RNF13: variants seen among roughly 807,000 people sequenced by gnomAD.
RNF13 encodes ring finger protein 13.
RNF13 carries 19 observed loss-of-function variants against 37.7 expected under a neutral mutation model. That is an observed-to-expected ratio of 0.50 (90% confidence interval 0.35 to 0.74). The LOEUF (loss-of-function observed/expected upper bound fraction) is 0.74, where lower values mean the gene tolerates loss of function less well. Ranked by LOEUF, RNF13 falls within the 30% of genes least tolerant of loss-of-function variation. The pLI, the probability that RNF13 is intolerant of heterozygous loss-of-function variation, is 0.01. For synonymous variants in RNF13, 144 were observed against 157.8 expected (o/e 0.91, Z 0.65); for missense variants, 375 against 453.0 (o/e 0.83, Z 1.56).
intron 5 of RNF13, among the ~76,000 whole-genome samples, chr3:149,899,245 A>G (rs774555237): frequency 2.0e-5 from 3 of 152,208 alleles, no homozygotes; most frequent in Non-Finnish European, 4.4e-5. Flanking sequence ...TAGGAGTTCA[A>G]GACCAACCTT....
At chr3:149,905,015 T>G (rs1288416082) in intron 6 of RNF13, among the ~76,000 whole-genome samples, 1 of 152,198 alleles carries the variant, frequency 6.6e-6, no homozygotes, top group Non-Finnish European at 1.5e-5. Context: ...GATCAGCATT[T>G]GAATCGGTTA....
chr3:149,827,515 AAATATT>A (rs1323507963), intron 1 of RNF13, among the ~76,000 whole-genome samples: 3 of 152,146 alleles, frequency 2.0e-5, no homozygotes, highest in African/African-American at 7.2e-5. Context: ...TTCAGTCTAT[AAATATT>A]AATATTAAAC....
chr3:149,866,077 A>G (rs1724790996), intron 3 of RNF13, among the ~76,000 whole-genome samples: 2 of 151,744 alleles, frequency 1.3e-5, no homozygotes, highest in Non-Finnish European at 2.9e-5. Context: ...TAATTTCCTG[A>G]TGTCATGACA....
At chr3:149,916,842 G>A (rs150673218) in intron 7 of RNF13, among the ~76,000 whole-genome samples, 2 of 152,218 alleles carry the variant, frequency 1.3e-5, no homozygotes, top group African/African-American at 4.8e-5. Context: ...ACAGCGGGTT[G>A]TATGGCTTTT....
At chr3:149,911,073 A>G (rs1716952092) in intron 6 of RNF13, among the ~76,000 whole-genome samples, 1 of 152,194 alleles carries the variant, frequency 6.6e-6, no homozygotes, top group African/African-American at 2.4e-5. Context: ...GGTGGGGGAT[A>G]TACAGGAAGC....
chr3:149,896,483 ATT>A (rs1329855973), intron 5 of RNF13, among the ~76,000 whole-genome samples: 5 of 143,102 alleles, frequency 3.5e-5, no homozygotes, highest in Admixed American at 7.0e-5. Context: ...CTTCTTCTTT[ATT>A]TTTTTTTTTT....
At chr3:149,815,151 T>A (rs988528541) in intron 1 of RNF13, among the ~76,000 whole-genome samples, 60 of 152,330 alleles carry the variant, frequency 3.9e-4, no homozygotes, top group Non-Finnish European at 5.6e-4. Context: ...CCTTGATATT[T>A]TTCTGCATTC....
At chr3:149,825,821 G>A (rs954635278) in intron 1 of RNF13, among the ~76,000 whole-genome samples, 1 of 152,106 alleles carries the variant, frequency 6.6e-6, no homozygotes, top group Non-Finnish European at 1.5e-5. Context: ...ACATAAAAGT[G>A]TATACTTTGA....
At chr3:149,855,645 C>T (rs1204417052) in intron 3 of RNF13, among the ~76,000 whole-genome samples, 11 of 148,836 alleles carry the variant, frequency 7.4e-5, no homozygotes, top group Non-Finnish European at 1.5e-4. Flanking sequence ...TATTTTTTTT[C>T]CCCCAAAGTT....
chr3:149,892,169 A>C (rs1377218927), intron 4 of RNF13, among the ~76,000 whole-genome samples: 1 of 152,162 alleles, frequency 6.6e-6, no homozygotes, highest in African/African-American at 2.4e-5. Flanking sequence ...TGGTTTCCTA[A>C]GGTTTCTATT....
At chr3:149,895,442 AT>A in intron 4 of RNF13, 30 bp from the exon 5 acceptor site, 1 of 1,139,810 alleles carries the variant, frequency 8.8e-7, no homozygotes, top group South Asian at 1.4e-5. Flanking sequence ...TCCTTATAAC[AT>A]AATTTTTTTT....
chr3:149,832,808 C>T (rs1673647990), intron 1 of RNF13, among the ~76,000 whole-genome samples: 1 of 152,084 alleles, frequency 6.6e-6, no homozygotes, highest in African/African-American at 2.4e-5. Flanking sequence ...CCTGGAAAGA[C>T]ACAACCTCCC....
At chr3:149,949,311 T>C (rs956937586) in intron 8 of RNF13, among the ~76,000 whole-genome samples, 1 of 152,124 alleles carries the variant, frequency 6.6e-6, no homozygotes, top group African/African-American at 2.4e-5. Context: ...TTGCTAAACA[T>C]AGCATTCTTG....
intron 3 of RNF13, among the ~76,000 whole-genome samples, chr3:149,858,243 G>A (rs981533842): frequency 1.6e-4 from 24 of 152,164 alleles, no homozygotes; most frequent in African/African-American, 5.6e-4. Context: ...CCTCAGGTGT[G>A]CTGTTATAGA....
intron 3 of RNF13, among the ~76,000 whole-genome samples, chr3:149,855,269 C>T (rs1380548674): frequency 6.6e-6 from 1 of 152,018 alleles, no homozygotes; most frequent in African/African-American, 2.4e-5. Context: ...CAGTGAGCCG[C>T]GATCAAGCCA....
intron 7 of RNF13, among the ~76,000 whole-genome samples, chr3:149,912,769 C>T (rs977888657): frequency 2.6e-5 from 4 of 151,912 alleles, no homozygotes; most frequent in Non-Finnish European, 5.9e-5. Flanking sequence ...TTCTCCATAA[C>T]GGTGGTTATC....
At chr3:149,896,505 G>A (rs982723296) in intron 5 of RNF13, among the ~76,000 whole-genome samples, 5 of 150,350 alleles carry the variant, frequency 3.3e-5, no homozygotes, top group African/African-American at 1.2e-4. Context: ...TTGAGATGGA[G>A]TTTCACTCTT....
intron 8 of RNF13, among the ~76,000 whole-genome samples, chr3:149,958,338 T>C (rs1722059066): frequency 6.6e-6 from 1 of 152,196 alleles, no homozygotes; most frequent in Non-Finnish European, 1.5e-5. Context: ...TGGAGGGCAC[T>C]CAATTCCTTG....
chr3:149,847,324 G>A (rs1014240037), intron 2 of RNF13, among the ~76,000 whole-genome samples: 2 of 152,166 alleles, frequency 1.3e-5, no homozygotes, highest in Non-Finnish European at 2.9e-5. Context: ...TCTGTGCTAA[G>A]GATTTGGTTT....
Sources: allele counts gnomAD v4.1 joint callset (sites outside exome capture counted in the v4.1 genomes callset), GRCh38; gene constraint gnomAD v4.1.1; transcripts MANE v1.5; gene names NCBI Gene and HGNC (gene_info 2026-07-23, HGNC 2026-07-21).